The following ARHGAP15 variants were observed in gnomAD, a reference collection of about 807,000 sequenced individuals.
The protein encoded by ARHGAP15 is Rho GTPase activating protein 15.
In ARHGAP15, 51 loss-of-function variants were observed where a neutral mutation model predicts 63.7. That is an observed-to-expected ratio of 0.80 (90% CI 0.64 to 1.01). ARHGAP15 has a LOEUF of 1.01. ARHGAP15 is among the 50% of genes least tolerant of loss of function. The pLI is 0.00. For missense variants in ARHGAP15, 560 were observed against 564.6 expected (o/e 0.99, Z 0.08); for synonymous variants, 191 against 193.8 (o/e 0.99, Z 0.12).
chr2:143,317,738 G>T (rs538765291), intron 6 of ARHGAP15, among the ~76,000 whole-genome samples: 1 of 152,228 alleles, frequency 6.6e-6, no homozygotes, highest in African/African-American at 2.4e-5. Context: ...TGGTTTGGGG[G>T]GATTCATGTA....
intron 6 of ARHGAP15, among the ~76,000 whole-genome samples, chr2:143,362,716 A>T (rs1210482377): frequency 6.6e-6 from 1 of 152,166 alleles, no homozygotes; most frequent in Non-Finnish European, 1.5e-5. Flanking sequence ...ATAATAAATG[A>T]ACTACTCTAA....
intron 6 of ARHGAP15, among the ~76,000 whole-genome samples, chr2:143,381,467 A>T (rs537281605): frequency 1.3e-5 from 2 of 152,316 alleles, no homozygotes; most frequent in South Asian, 2.1e-4. Flanking sequence ...TTGAAAAAAA[A>T]ATTGGCAGTT....
chr2:143,573,816 T>C (rs1305127132), intron 11 of ARHGAP15, among the ~76,000 whole-genome samples: 3 of 152,172 alleles, frequency 2.0e-5, no homozygotes, highest in African/African-American at 7.2e-5. Context: ...CAGTTCTAGT[T>C]GTTGGAAACG....
rs527315901 is a variant in ARHGAP15 at position 143,551,300 on chromosome 2, C to T, written c.926-5108C>T. 9.9e-5 allele frequency among the ~76,000 whole-genome samples: 15 copies of T among 152,064 alleles called. 1 individual carries two copies. Among genetic ancestry groups the T allele is most frequent in the South Asian group, 4.2e-4 (2 of 4,804 alleles). On this transcript the variant is annotated intron_variant, in intron 10 of 13. Coordinates refer to ENST00000295095, the MANE Select transcript of ARHGAP15 (RefSeq NM_018460.4). ...CTGAGTAGCTGGGACCACAGGCATG[C>T]GCCACCATGCCAGGCTAATTTTTAA...
intron 8 of ARHGAP15, among the ~76,000 whole-genome samples, chr2:143,459,718 T>G (rs1241993432): frequency 6.6e-6 from 1 of 152,204 alleles, no homozygotes; most frequent in African/African-American, 2.4e-5. Flanking sequence ...AAGTCTGAAT[T>G]GAAGTGTTTT....
intron 2 of ARHGAP15, among the ~76,000 whole-genome samples, chr2:143,172,352 A>G (rs1393657795): frequency 6.6e-6 from 1 of 152,100 alleles, no homozygotes; most frequent in African/African-American, 2.4e-5. Flanking sequence ...GCAGTCGACT[A>G]CAAGGAGTTT....
At chr2:143,652,300 A>G (rs1681208691) in intron 12 of ARHGAP15, among the ~76,000 whole-genome samples, 1 of 152,028 alleles carries the variant, frequency 6.6e-6, no homozygotes. Flanking sequence ...GCAGTGCAAA[A>G]AACAGCCATA....
chr2:143,558,881 A>G (rs1384881004), intron 11 of ARHGAP15, among the ~76,000 whole-genome samples: 1 of 152,120 alleles, frequency 6.6e-6, no homozygotes, highest in Non-Finnish European at 1.5e-5. Context: ...AATCTCTATA[A>G]CTGAGAATCT....
intron 6 of ARHGAP15, among the ~76,000 whole-genome samples, chr2:143,321,793 C>T (rs1188575566): frequency 6.6e-6 from 1 of 152,180 alleles, no homozygotes; most frequent in East Asian, 1.9e-4. Flanking sequence ...ATCTTCTGGG[C>T]TCAAGCCACC....
At chr2:143,575,832 T>C (rs929374177) in intron 11 of ARHGAP15, among the ~76,000 whole-genome samples, 3 of 152,160 alleles carry the variant, frequency 2.0e-5, no homozygotes, top group Non-Finnish European at 4.4e-5. Flanking sequence ...TATTCTGTTT[T>C]GTGAAGTAAA....
chr2:143,583,530 G>C lies in ARHGAP15; in HGVS notation c.1003+27045G>C, dbSNP rs200637181. Among the ~76,000 whole-genome samples, 29 of 76,744 alleles carry C rather than the reference G, an allele frequency of 3.8e-4. 1 individual carries two copies. The highest frequency in any genetic ancestry group is 3.0e-3 in the Admixed American group (29 of 9,768). 50.3% of individuals were successfully genotyped at this position (76,744 alleles called of 152,430 possible). On this transcript the variant is annotated intron_variant, in intron 11 of 13. Transcript: ENST00000295095. Reference sequence around the variant, plus strand: ...TGCTGGCATTCGTAAAGACAAAAATGGGGGGGGTGGAAGAGGTCAGAAAGG... The same window carrying C: ...TGCTGGCATTCGTAAAGACAAAAATCGGGGGGGTGGAAGAGGTCAGAAAGG...
At chr2:143,390,783 A>T (rs1237069248) in intron 6 of ARHGAP15, among the ~76,000 whole-genome samples, 1 of 151,826 alleles carries the variant, frequency 6.6e-6, no homozygotes, top group African/African-American at 2.4e-5. Context: ...AGAGAGAAAT[A>T]CACTTGCTAA....
intron 12 of ARHGAP15, among the ~76,000 whole-genome samples, chr2:143,671,677 C>T (rs1682533529): frequency 6.6e-6 from 1 of 152,182 alleles, no homozygotes; most frequent in African/African-American, 2.4e-5. Flanking sequence ...TACAGCTGTA[C>T]TGTACCTTCA....
chr2:143,147,429 T>C (rs933370718), intron 1 of ARHGAP15, among the ~76,000 whole-genome samples: 1 of 152,066 alleles, frequency 6.6e-6, no homozygotes, highest in Admixed American at 6.6e-5. Flanking sequence ...AGAGAGAAGA[T>C]TGCATTACTT....
At chr2:143,319,258 T>G (rs1460965832) in intron 6 of ARHGAP15, among the ~76,000 whole-genome samples, 1 of 151,154 alleles carries the variant, frequency 6.6e-6, no homozygotes, top group Non-Finnish European at 1.5e-5. Flanking sequence ...GGTGTCTCAC[T>G]CTGTTGCCCA....
chr2:143,504,067 C>T lies in ARHGAP15; in HGVS notation c.827-15199C>T, dbSNP rs571561146. On this transcript the variant is annotated intron_variant, in intron 9 of 13. Coordinates refer to ENST00000295095, the MANE Select transcript of ARHGAP15 (RefSeq NM_018460.4). ...CTTTAAACTGAGCCTTGAATTAGAG[C>T]CTTGGACTTTTGTAAAAATGGGTGA... 2.0e-5 allele frequency among the ~76,000 whole-genome samples: 3 copies of T among 152,100 alleles called. No individual in the cohort carries two copies. The East Asian group carries it at 5.8e-4, about 29-fold the overall frequency.
At chr2:143,441,140 G>A (rs1303871158) in intron 8 of ARHGAP15, among the ~76,000 whole-genome samples, 3 of 152,086 alleles carry the variant, frequency 2.0e-5, no homozygotes, top group Admixed American at 6.5e-5. Flanking sequence ...AGATAGCACT[G>A]AGACAGGGCT....
chr2:143,438,891 C>T (rs1689734778), intron 8 of ARHGAP15, among the ~76,000 whole-genome samples: 1 of 152,012 alleles, frequency 6.6e-6, no homozygotes, highest in South Asian at 2.1e-4. Flanking sequence ...ATTGCTGGTT[C>T]AGAGACCTTA....
intron 1 of ARHGAP15, among the ~76,000 whole-genome samples, chr2:143,153,779 C>A (rs77932030): frequency 7.2e-3 from 176 of 24,596 alleles, no homozygotes; most frequent in African/African-American, 0.031. Flanking sequence ...TATAATAAAT[C>A]TTCTTCTTCT....
Sources: gnomAD v4.1 joint callset for allele counts (sites outside exome capture counted in the v4.1 genomes callset) on GRCh38, gnomAD v4.1.1 for gene constraint, MANE v1.5 for transcripts, NCBI Gene and HGNC (gene_info 2026-07-23, HGNC 2026-07-21) for gene names.